The following ULBP3 variants were observed in gnomAD, a reference collection of about 807,000 sequenced individuals.
ULBP3 encodes the protein UL16 binding protein 3.
ULBP3 carries 25 observed loss-of-function variants against 24.9 expected under a neutral mutation model. The ratio of observed to expected loss-of-function variants is 1.00; its 90% CI spans 0.73 to 1.40. The LOEUF is 1.40. Among genes scored for constraint, ULBP3 ranks in the 40% most tolerant of loss-of-function variants. ULBP3 has a pLI of 0.00. For missense variants in ULBP3, 306 were observed against 307.5 expected, an observed-to-expected ratio of 1.00 and a Z score of 0.04; for synonymous variants, 114 against 114.7, an observed-to-expected ratio of 0.99 and a Z score of 0.04.
In ULBP3 at chr6:150,068,970, C is replaced by G. The variant is rs1222827844; in HGVS notation, c.88+9G>C. ...CCCCGCCCCGCTTAGGCTCCATCCC[C>G]GAACTCACCGGCCCGCCCCGTCCCG... On this transcript the variant is annotated intron_variant, in intron 1 of 4. Coordinates refer to ENST00000367339, the MANE Select transcript of ULBP3 (RefSeq NM_024518.3). 1.2e-6 allele frequency: 2 copies of G among 1,601,288 alleles called. No homozygotes were observed. Among genetic ancestry groups the G allele is most frequent in the Non-Finnish European group, 1.7e-6 (2 of 1,172,346 alleles).
At chr6:150,067,606 T>A (rs975115026) in intron 1 of ULBP3, among the ~76,000 whole-genome samples, 1 of 152,188 alleles carries the variant, frequency 6.6e-6, no homozygotes, top group South Asian at 2.1e-4. Context: ...GTGTTTGTAG[T>A]TAATGTAGTA....
At chr6:150,066,479 G>C (rs1189763583) in intron 1 of ULBP3, among the ~76,000 whole-genome samples, 2 of 152,138 alleles carry the variant, frequency 1.3e-5, no homozygotes, top group African/African-American at 4.8e-5. Context: ...AGTGTGGGAG[G>C]GCACCCTGAG....
At chr6:150,063,691 T>C (rs2184452) in intron 4 of ULBP3, among the ~76,000 whole-genome samples, 56,055 of 152,152 alleles carry the variant, frequency 0.37, 10,420 homozygotes, top group South Asian at 0.45. Flanking sequence ...TCTGGATCCA[T>C]GTTCCCTGGC....
rs111496180 is a variant in ULBP3, at chr6:150,063,186, T to C, written c.*188A>G. 0.12 allele frequency: 18,981 copies of C among 160,618 alleles called. 1,194 individuals carry two copies. The highest frequency in any genetic ancestry group is 0.18 in the Middle Eastern group (57 of 310). 9.9% of individuals were successfully genotyped at this position (160,618 alleles called of 1,614,324 possible). On this transcript the variant is annotated 3_prime_UTR_variant, in exon 5 of 5. Coordinates refer to ENST00000367339, the MANE Select transcript of ULBP3 (RefSeq NM_024518.3). ...AGCGAAGGTAATGAGTGGCCTGAGA[T>C]GTTGAGCCGACAATGTCCTCATCAT...
In ULBP3 at chr6:150,068,930, C is replaced by G. The variant is rs114965912; in HGVS notation, c.88+49G>C. 2,897 of 1,535,850 alleles carry G rather than the reference C, an allele frequency of 1.9e-3. 43 individuals are homozygous for G. In the African/African-American group the frequency reaches 0.036, roughly 19 times the overall value. ...CTCTGAAACCCGCTGCAGTCCACAG[C>G]CCCCCAGGTTTGGCCCCCGCCCCGC... is the stretch of plus-strand genomic sequence containing the variant. On this transcript the variant is annotated intron_variant, in intron 1 of 4. Coordinates refer to ENST00000367339, the MANE Select transcript of ULBP3 (RefSeq NM_024518.3).
Position 150,063,284 on chromosome 6 carries a change from G to A in ULBP3, c.*90C>T. On this transcript the variant is annotated 3_prime_UTR_variant, in exon 5 of 5. Transcript: ENST00000367339. The stretch of plus-strand genomic sequence containing the variant: ...GAAAGGCACAGTGGTGAGTAGACAG[G>A]CGGCCTCCCTGAAGGGAGAGCAGGA... 1 of 910,036 alleles carries A rather than the reference G, an allele frequency of 1.1e-6. No individual in the cohort carries two copies. Among genetic ancestry groups the A allele is most frequent in the Non-Finnish European group, 1.3e-6 (1 of 761,174 alleles). 56.4% of individuals were successfully genotyped at this position (910,036 alleles called of 1,614,324 possible).
rs1352507156 is a variant in ULBP3 at position 150,062,360 on chromosome 6, C to T, written c.*1014G>A. Reference sequence around the variant, plus strand: ...TTCCAGGATTTTCACAGTTTTATTACCTGCGCAACATAGGAAGACCCAATC... The same window carrying T: ...TTCCAGGATTTTCACAGTTTTATTATCTGCGCAACATAGGAAGACCCAATC... On this transcript the variant is annotated 3_prime_UTR_variant, in exon 5 of 5. Coordinates refer to ENST00000367339, the MANE Select transcript of ULBP3 (RefSeq NM_024518.3). Among the ~76,000 whole-genome samples the T allele has an allele frequency of 6.6e-6, 1 of 152,092 alleles. No homozygotes were observed. Among genetic ancestry groups the T allele is most frequent in the Non-Finnish European group, 1.5e-5 (1 of 68,022 alleles).
intron 1 of ULBP3, among the ~76,000 whole-genome samples, chr6:150,067,276 C>A (rs559223684): frequency 1.3e-5 from 2 of 152,194 alleles, no homozygotes; most frequent in African/African-American, 4.8e-5. Context: ...GAGCCCAGAG[C>A]CCCTGGTGGG....
Position 150,069,084 on chromosome 6 carries a change from C to T in ULBP3, c.-18G>A, listed in dbSNP as rs1776393833. ...GCTGCCATTGTAGACCAGGAGCGCC[C>T]GGGACACAAGGCGCAGTCGATGTGG... On this transcript the variant is annotated 5_prime_UTR_variant, in exon 1 of 5. Coordinates refer to ENST00000367339, the MANE Select transcript of ULBP3 (RefSeq NM_024518.3). 6 of 1,606,808 alleles carry T rather than the reference C, an allele frequency of 3.7e-6. No homozygotes were observed.
intron 4 of ULBP3, 25 bp downstream of exon 4, chr6:150,064,559 TC>T: frequency 6.3e-7 from 1 of 1,595,864 alleles, no homozygotes. Context: ...TGTCTCTCGT[TC>T]CCCTCACAGT....
At position 150,069,032 on chromosome 6, in the gene ULBP3, C is replaced by T. The variant is rs934380315; in HGVS notation, c.35G>A (p.Arg12His). The change falls in exon 1 of 5, where the codon CGC becomes CAC. Residue 12 changes from arginine to histidine, a missense_variant. Transcript: ENST00000367339. ...TAGCAGGTACGGAAGAATCGCGAGG[C>T]GCGGAAGGATCGCGGGGCTGGCGGC... ...AAAASPAILP[R>H]LAILPYLLFD... 9 of 1,612,386 alleles carry T rather than the reference C, an allele frequency of 5.6e-6. No individual in the cohort carries two copies. The highest frequency in any genetic ancestry group is 7.6e-6 in the Non-Finnish European group (9 of 1,179,404).
intron 4 of ULBP3, 23 bp from the exon 5 acceptor site, chr6:150,063,374 G>C: frequency 2.0e-6 from 2 of 977,576 alleles, no homozygotes; most frequent in Non-Finnish European, 2.4e-6. Context: ...TGAAGCATTG[G>C]TTTAAGTGGC....
intron 1 of ULBP3, among the ~76,000 whole-genome samples, chr6:150,068,530 G>A (rs1776380715): frequency 6.6e-6 from 1 of 152,200 alleles, no homozygotes; most frequent in Non-Finnish European, 1.5e-5. Context: ...GGCCAGCAAG[G>A]ACCAAAGTGC....
rs964864204 is a variant in ULBP3, at chr6:150,062,959, G to T, written c.*415C>A. Reference sequence around the variant, plus strand: ...CTACTAAAAATACAAAAAATTAGCCGGGCGCGGTGGCGGGTGCCTGTAGTC... The same window carrying T: ...CTACTAAAAATACAAAAAATTAGCCTGGCGCGGTGGCGGGTGCCTGTAGTC... On this transcript the variant is annotated 3_prime_UTR_variant, in exon 5 of 5. Coordinates refer to ENST00000367339, the MANE Select transcript of ULBP3 (RefSeq NM_024518.3). Among the ~76,000 whole-genome samples, 2 of 151,382 alleles carry T rather than the reference G, an allele frequency of 1.3e-5. No individual in the cohort carries two copies. The highest frequency in any genetic ancestry group is 2.9e-5 in the Non-Finnish European group (2 of 67,868).
chr6:150,068,119 TC>T (rs1776373594), intron 1 of ULBP3, among the ~76,000 whole-genome samples: 1 of 151,938 alleles, frequency 6.6e-6, no homozygotes, highest in South Asian at 2.1e-4. Flanking sequence ...TTGGCTCTGA[TC>T]CCCAGGACAC....
At position 150,062,635 on chromosome 6, in the gene ULBP3, C is replaced by T. The variant is rs1171121193; in HGVS notation, c.*739G>A. Among the ~76,000 whole-genome samples the T allele has an allele frequency of 6.6e-6, 1 of 152,194 alleles. No homozygotes were observed. The highest frequency in any genetic ancestry group is 1.5e-5 in the Non-Finnish European group (1 of 68,048). ...TCCCTGAGGTCTGAAGTCCTGCATG[C>T]TATTTTACTAGCAATACCGTTTCGA... On this transcript the variant is annotated 3_prime_UTR_variant, in exon 5 of 5. Transcript: ENST00000367339.
rs1184453914 is a variant in ULBP3, at chr6:150,061,371, C to T, written c.*2003G>A. The stretch of plus-strand genomic sequence containing the variant: ...TGTCCCAATGATCTCATCACTCAAA[C>T]AGTAAGCATGGTACCCAACAGGTGG... On this transcript the variant is annotated 3_prime_UTR_variant, in exon 5 of 5. Transcript: ENST00000367339. Among the ~76,000 whole-genome samples the T allele has an allele frequency of 6.6e-6, 1 of 152,184 alleles. No individual in the cohort carries two copies. Among genetic ancestry groups the T allele is most frequent in the Non-Finnish European group, 1.5e-5 (1 of 68,042 alleles).
Position 150,061,726 on chromosome 6 carries a change from G to A in ULBP3, c.*1648C>T, listed in dbSNP as rs1380659278. ...CACTGTAATGAACATATTGGTGCAG[G>A]TGTCTTTTGGATAAAATGAATTCTT... On this transcript the variant is annotated 3_prime_UTR_variant, in exon 5 of 5. Coordinates refer to ENST00000367339, the MANE Select transcript of ULBP3 (RefSeq NM_024518.3). 2.0e-5 allele frequency among the ~76,000 whole-genome samples: 3 copies of A among 152,196 alleles called. No homozygotes were observed. The highest frequency in any genetic ancestry group is 4.4e-5 in the Non-Finnish European group (3 of 68,036).
Position 150,064,599 on chromosome 6 carries a change from G to C in ULBP3, c.*8C>G. ...GCCCACAGTACCTGTCACTCTAAAT[G>C]ACTCTTCTCAGATGCCAGGGAGGAT... On this transcript the variant is annotated 3_prime_UTR_variant, in exon 4 of 5. Transcript: ENST00000367339. 6.2e-7 allele frequency: 1 copy of C among 1,613,666 alleles called. No homozygotes were observed. The highest frequency in any genetic ancestry group is 2.2e-5 in the East Asian group (1 of 44,862).
Sources: gnomAD v4.1 joint callset for allele counts (sites outside exome capture counted in the v4.1 genomes callset) on GRCh38, gnomAD v4.1.1 for gene constraint, MANE v1.5 for transcripts, NCBI Gene and HGNC (gene_info 2026-07-23, HGNC 2026-07-21) for gene names.